Variants in ZC3H12D observed in about 807,000 individuals in gnomAD.
ZC3H12D encodes probable ribonuclease ZC3H12D.
A neutral mutation model predicts 24.2 loss-of-function variants in ZC3H12D; 11 were observed. That is an observed-to-expected ratio of 0.46 (90% CI 0.29 to 0.75). The LOEUF is 0.75. ZC3H12D is among the 30% of genes least tolerant of loss of function. The probability of loss-of-function intolerance (pLI) is 0.11; values close to 1 mark genes in which losing one functional copy is unlikely to be tolerated. For missense variants in ZC3H12D, 740 were observed against 767.7 expected (o/e 0.96, Z 0.43); for synonymous variants, 333 against 341.8 (o/e 0.97, Z 0.28).
At chr6:149,454,313 C>T (rs949837791) in intron 4 of ZC3H12D, among the ~76,000 whole-genome samples, 6 of 152,206 alleles carry the variant, frequency 3.9e-5, no homozygotes, top group Non-Finnish European at 8.8e-5. Flanking sequence ...AGGCCACTTC[C>T]AGGTCATACA....
Position 149,456,959 on chromosome 6 carries a change from A to ACCCCC in ZC3H12D, c.446-64_446-60dup, listed in dbSNP as rs573300853. ...CCCAAGGGCACCGCCCCTGAGAACC[A>ACCCCC]CCCCCAACGCGAGGCCACCCGCTTC... On this transcript the variant is annotated intron_variant, in intron 3 of 5. Coordinates refer to ENST00000409806, the MANE Select transcript of ZC3H12D (RefSeq NM_207360.3). This position sits in a 1 kb window ranked among gnomAD's most constrained non-coding sequence, Gnocchi z 4.3. 3.3e-6 allele frequency: 5 copies of ACCCCC among 1,522,286 alleles called. No individual in the cohort carries two copies. In the South Asian group the frequency reaches 5.8e-5, roughly 18 times the overall value. The allele number at this position is 1,522,286 out of a possible 1,614,324, so 94.3% of individuals were successfully genotyped here. A position where few individuals can be genotyped will look rare whatever the true frequency, so the allele number is the denominator to read the frequency against.
chr6:149,480,791 G>A (rs1000185101), intron 1 of ZC3H12D, among the ~76,000 whole-genome samples: 3 of 151,996 alleles, frequency 2.0e-5, no homozygotes, highest in South Asian at 2.1e-4. Flanking sequence ...TATCTTCCTT[G>A]GAGGGGCAGG....
Position 149,451,301 on chromosome 6 carries a change from G to GGGGGCCGCCCGGGCTCCTGC in ZC3H12D, c.946_965dup (p.Arg323GlnfsTer182). On this transcript the variant is annotated frameshift_variant, in exon 6 of 6. Coordinates refer to ENST00000409806, the MANE Select transcript of ZC3H12D (RefSeq NM_207360.3). LOFTEE classifies it low-confidence loss of function (END_TRUNC). ...GGAGGCTGTGCGCAAATGGTTCCCGGGGGGCCGCCCGGGCTCCTGCGGAGC... is the reference window on the plus strand; with the variant it reads ...GGAGGCTGTGCGCAAATGGTTCCCGGGGGGCCGCCCGGGCTCCTGCGGGGCCGCCCGGGCTCCTGCGGAGC... 7.5e-7 allele frequency: 1 copy of GGGGGCCGCCCGGGCTCCTGC among 1,327,290 alleles called. No individual in the cohort carries two copies. Among genetic ancestry groups the GGGGGCCGCCCGGGCTCCTGC allele is most frequent in the Non-Finnish European group, 9.5e-7 (1 of 1,048,464 alleles). The allele number at this position is 1,327,290 out of a possible 1,614,324, so 82.2% of individuals were successfully genotyped here.
In ZC3H12D at chr6:149,451,133, C is replaced by G. The variant is rs1383864056; in HGVS notation, c.1134G>C (p.Trp378Cys). Residue 378 changes from tryptophan (W) to cysteine (C), a missense_variant, in exon 6 of 6, where the codon TGG becomes TGC. Transcript: ENST00000409806. ...CTGGCACCCGGCCGCCCGCGGACACCCAGTCGGGCCCGCCCAGTCGGGGCG... is the reference window on the plus strand; with the variant it reads ...CTGGCACCCGGCCGCCCGCGGACACGCAGTCGGGCCCGCCCAGTCGGGGCG... The part of the protein sequence containing the change: ...SLTPRLGGPD[W>C]VSAGGRVPGP... The G allele has an allele frequency of 3.7e-6, 5 of 1,343,582 alleles. No individual in the cohort carries two copies. The African/African-American group carries it at 4.6e-5, about 12-fold the overall frequency. 83.2% of individuals were successfully genotyped at this position (1,343,582 alleles called of 1,614,324 possible).
In ZC3H12D at chr6:149,450,464, G is replaced by A; in HGVS notation, c.*219C>T. The A allele has an allele frequency of 1.9e-6, 1 of 531,432 alleles. No homozygotes were observed. Among genetic ancestry groups the A allele is most frequent in the Non-Finnish European group, 3.3e-6 (1 of 304,514 alleles). 32.9% of individuals were successfully genotyped at this position (531,432 alleles called of 1,614,324 possible). ...AATCATTCCCTCCACGGAAGTGGGT[G>A]GACCTCCCCGCAGCAGGCCCCGGCC... On this transcript the variant is annotated 3_prime_UTR_variant, in exon 6 of 6. Transcript: ENST00000409806.
chr6:149,474,651 G>T, intron 1 of ZC3H12D, 38 bp from the exon 2 acceptor site: 1 of 1,069,692 alleles, frequency 9.3e-7, no homozygotes, highest in Non-Finnish European at 1.2e-6. Flanking sequence ...GGTGTTTCCT[G>T]GGCAGACTGG....
At chr6:149,473,192 G>A (rs534623054) in intron 2 of ZC3H12D, among the ~76,000 whole-genome samples, 1 of 151,614 alleles carries the variant, frequency 6.6e-6, no homozygotes, top group African/African-American at 2.4e-5. Context: ...AGCCCCTGAG[G>A]CTGGACCATC....
chr6:149,465,240 G>A (rs530157460), intron 2 of ZC3H12D, among the ~76,000 whole-genome samples: 17 of 152,110 alleles, frequency 1.1e-4, no homozygotes, highest in African/African-American at 4.1e-4. Context: ...TGTAATCCCA[G>A]CTACTGGAGA....
intron 1 of ZC3H12D, among the ~76,000 whole-genome samples, chr6:149,477,647 T>C (rs1178542223): frequency 6.6e-6 from 1 of 152,112 alleles, no homozygotes; most frequent in Non-Finnish European, 1.5e-5. Context: ...TCAGCACCTA[T>C]ATTCCGATGG....
chr6:149,473,666 G>C (rs768032787), intron 2 of ZC3H12D, among the ~76,000 whole-genome samples: 123 of 152,302 alleles, frequency 8.1e-4, no homozygotes, highest in Middle Eastern at 6.8e-3. Flanking sequence ...ACTTAAGGTA[G>C]CCGCAACACC....
chr6:149,480,553 G>A (rs891162575), intron 1 of ZC3H12D, among the ~76,000 whole-genome samples: 13 of 152,098 alleles, frequency 8.5e-5, no homozygotes, highest in African/African-American at 4.8e-5. Context: ...CCTGACCAAC[G>A]TGGAGAAACC....
Position 149,456,614 on chromosome 6 carries a change from CGG to C in ZC3H12D, c.680+50_680+51del. The C allele has an allele frequency of 3.4e-6, 4 of 1,190,762 alleles. No homozygotes were observed. The highest frequency in any genetic ancestry group is 4.9e-6 in the Non-Finnish European group (4 of 819,412). 73.8% of individuals were successfully genotyped at this position (1,190,762 alleles called of 1,614,324 possible). On this transcript the variant is annotated intron_variant, in intron 4 of 5. Coordinates refer to ENST00000409806, the MANE Select transcript of ZC3H12D (RefSeq NM_207360.3). This position sits in a 1 kb window ranked among gnomAD's most constrained non-coding sequence, Gnocchi z 4.3. ...GCAGGCGTGGCCACTGCCTCGACCC[CGG>C]CCCCCCGCCCCGCCGCCCCCCAGGG...
At chr6:149,463,282 A>T (rs1776104082) in intron 2 of ZC3H12D, among the ~76,000 whole-genome samples, 1 of 152,182 alleles carries the variant, frequency 6.6e-6, no homozygotes, top group African/African-American at 2.4e-5. Context: ...CAATAAGGAG[A>T]GAGTGGTATG....
At chr6:149,476,513 A>T (rs1391501989) in intron 1 of ZC3H12D, among the ~76,000 whole-genome samples, 1 of 152,162 alleles carries the variant, frequency 6.6e-6, no homozygotes, top group South Asian at 2.1e-4. Context: ...CTCAAAAAAA[A>T]AAATGCATTT....
chr6:149,455,953 T>TAAA (rs1278081469), intron 4 of ZC3H12D, among the ~76,000 whole-genome samples: 2 of 125,914 alleles, frequency 1.6e-5, no homozygotes, highest in African/African-American at 6.9e-5. Context: ...AAATTTTGAT[T>TAAA]TAAAAAAAAA....
intron 2 of ZC3H12D, among the ~76,000 whole-genome samples, chr6:149,470,252 C>T (rs914055206): frequency 3.3e-5 from 5 of 151,932 alleles, no homozygotes; most frequent in African/African-American, 7.3e-5. Context: ...CCCAGCTACT[C>T]GGGAGGCTGA....
intron 1 of ZC3H12D, among the ~76,000 whole-genome samples, chr6:149,479,471 A>G (rs1776390622): frequency 6.6e-6 from 1 of 152,204 alleles, no homozygotes; most frequent in South Asian, 2.1e-4. Flanking sequence ...GTCTTGGAAG[A>G]CATCAAGATT....
chr6:149,458,125 T>A lies in ZC3H12D; in HGVS notation c.446-1225A>T, dbSNP rs13210773. ...TCTTTCTTTTTCTTTTTTTTTTTCGTTTCTTTTTTTTTTTTTTTTTTTTTT... is the reference window on the plus strand; with the variant it reads ...TCTTTCTTTTTCTTTTTTTTTTTCGATTCTTTTTTTTTTTTTTTTTTTTTT... On this transcript the variant is annotated intron_variant, in intron 3 of 5. Coordinates refer to ENST00000409806, the MANE Select transcript of ZC3H12D (RefSeq NM_207360.3). Among the ~76,000 whole-genome samples, 559 of 98,706 alleles carry A rather than the reference T, an allele frequency of 5.7e-3. 6 individuals carry two copies. Among genetic ancestry groups the A allele is most frequent in the Non-Finnish European group, 8.5e-3 (461 of 54,260 alleles). 64.8% of individuals were successfully genotyped at this position (98,706 alleles called of 152,430 possible). A position where few individuals can be genotyped will look rare whatever the true frequency, so the allele number is the denominator to read the frequency against.
In ZC3H12D at chr6:149,451,228, A is replaced by G; in HGVS notation, c.1039T>C (p.Ser347Pro). 1 of 1,302,466 alleles carries G rather than the reference A, an allele frequency of 7.7e-7. No homozygotes were observed. Among genetic ancestry groups the G allele is most frequent in the South Asian group, 2.5e-5 (1 of 40,200 alleles). The allele number at this position is 1,302,466 out of a possible 1,614,324, so 80.7% of individuals were successfully genotyped here. The change falls in exon 6 of 6, where the codon TCT (serine) becomes CCT (proline). Residue 347 changes from serine to proline, a missense_variant. By Grantham distance (74) the Ser-to-Pro change is moderately conservative (BLOSUM62 -1). Coordinates refer to ENST00000409806, the MANE Select transcript of ZC3H12D (RefSeq NM_207360.3). ...PDLAALRGSF[S>P]RLAFSDDLGP... is the part of the protein sequence containing the mutation. ...AGGTCGTCGCTGAAGGCCAGCCGAG[A>G]GAAGCTCCCTCGCAGGGCGGCCAGG...
Sources: allele counts gnomAD v4.1 joint callset (sites outside exome capture counted in the v4.1 genomes callset), GRCh38; gene constraint gnomAD v4.1.1; non-coding constraint Gnocchi (gnomAD v3.1); transcripts MANE v1.5; gene names NCBI Gene and HGNC (gene_info 2026-07-23, HGNC 2026-07-21).